The following LIPM variants were observed in gnomAD, a reference collection of about 807,000 sequenced individuals.
LIPM encodes the protein lipase family member M, also known as lipase member M.
A neutral mutation model predicts 42.4 loss-of-function variants in LIPM; 42 were observed. The observed-to-expected ratio is 0.99, with a 90% CI of 0.77 to 1.28. LIPM has a LOEUF of 1.28. Among genes scored for constraint, LIPM ranks in the 50% most tolerant of loss-of-function variants. LIPM has a pLI of 0.00. For synonymous variants in LIPM, 177 were observed against 173.3 expected, an observed-to-expected ratio of 1.02 and a Z score of -0.17; for missense variants, 524 against 520.1, an observed-to-expected ratio of 1.01 and a Z score of -0.07.
rs1340414760 is a variant in LIPM, at chr10:88,815,341, C to G, written c.712-16C>G. ...TTTTCTGTCTGTCATGTCTATGTCA[C>G]TTCATATTTTCACAGGGATTGTTTG... is the stretch of plus-strand genomic sequence containing the variant. On this transcript the variant is annotated splice_polypyrimidine_tract_variant and intron_variant, in intron 5 of 8. Coordinates refer to ENST00000404743, the MANE Select transcript of LIPM (RefSeq NM_001128215.1). 1 of 1,551,412 alleles carries G rather than the reference C, an allele frequency of 6.4e-7. No individual in the cohort carries two copies. Among genetic ancestry groups the G allele is most frequent in the Non-Finnish European group, 8.7e-7 (1 of 1,146,836 alleles).
intron 4 of LIPM, among the ~76,000 whole-genome samples, 183 bp downstream of exon 4, chr10:88,814,822 G>A (rs1004888366): frequency 6.6e-6 from 1 of 152,058 alleles, no homozygotes; most frequent in Admixed American, 6.6e-5. Context: ...ATATCTCTGT[G>A]CTATATGTGT....
chr10:88,815,119 G>A lies in LIPM; in HGVS notation c.606G>A (p.Leu202=). The change falls in exon 5 of 9, where the codon CTG becomes CTA. Residue 202 remains leucine, a synonymous_variant. Transcript: ENST00000404743. ...GFIAFSTMPE[L]AQKIKMYFAL... is the part of the protein sequence containing the mutation. ...TTGCATTTTCCACCATGCCAGAGCT[G>A]GCTCAGAAAATCAAAATGTATTTTG... 6.4e-7 allele frequency: 1 copy of A among 1,550,638 alleles called. No homozygotes were observed. The highest frequency in any genetic ancestry group is 8.7e-7 in the Non-Finnish European group (1 of 1,146,686).
Position 88,808,308 on chromosome 10 carries a change from T to A in LIPM, c.158T>A (p.Ile53Asn), listed in dbSNP as rs777473166. The stretch of plus-strand genomic sequence containing the variant: ...GTGCTTTTTCCATAGAGTGAAATCA[T>A]CCAACATCAAGGCTATCCCTGTGAG... ...PEAFMNISEI[I>N]QHQGYPCEEY... Residue 53 changes from isoleucine (I) to asparagine (N), a missense_variant, in exon 2 of 9, where the codon ATC becomes AAC. Coordinates refer to ENST00000404743, the MANE Select transcript of LIPM (RefSeq NM_001128215.1). 10 of 1,544,940 alleles carry A rather than the reference T, an allele frequency of 6.5e-6. No individual in the cohort carries two copies. The highest frequency in any genetic ancestry group is 8.8e-6 in the Non-Finnish European group (10 of 1,141,040).
At position 88,816,894 on chromosome 10, in the gene LIPM, AT is replaced by A; in HGVS notation, c.930+8del. Reference sequence around the variant, plus strand: ...TATTCTACACTGGAGCCAGGTAAGAATGTTGAATTTGCAGTCTTTGCTAAAT... The same window carrying A: ...TATTCTACACTGGAGCCAGGTAAGAAGTTGAATTTGCAGTCTTTGCTAAAT... On this transcript the variant is annotated splice_region_variant and intron_variant, in intron 7 of 8. Transcript: ENST00000404743. 1 of 1,549,628 alleles carries A rather than the reference AT, an allele frequency of 6.5e-7. No homozygotes were observed. The highest frequency in any genetic ancestry group is 8.7e-7 in the Non-Finnish European group (1 of 1,145,120).
chr10:88,810,366 C>T (rs927554128), intron 2 of LIPM, among the ~76,000 whole-genome samples: 7 of 152,166 alleles, frequency 4.6e-5, no homozygotes, highest in African/African-American at 1.7e-4. Context: ...TGTTTTCTTA[C>T]ATCCTGTTGA....
At chr10:88,815,569 T>C in intron 6 of LIPM, 66 bp downstream of exon 6, 1 of 1,383,266 alleles carries the variant, frequency 7.2e-7, no homozygotes, top group Non-Finnish European at 9.9e-7. Flanking sequence ...GGCTCACCCC[T>C]GGAGGGAGAG....
chr10:88,818,856 GA>G (rs1843750330), intron 8 of LIPM, among the ~76,000 whole-genome samples: 2 of 152,232 alleles, frequency 1.3e-5, no homozygotes, highest in Admixed American at 1.3e-4. Context: ...TGTCTTTAGA[GA>G]AAGTATTTCT....
intron 6 of LIPM, 59 bp from the exon 7 acceptor site, chr10:88,816,757 C>G (rs76301089): frequency 8.9e-7 from 1 of 1,129,120 alleles, no homozygotes; most frequent in Non-Finnish European, 1.3e-6. Context: ...TTGGTCTTGA[C>G]AGGGTATACA....
At position 88,809,914 on chromosome 10, in the gene LIPM, C is replaced by T. The variant is rs546810569; in HGVS notation, c.265+1499C>T. On this transcript the variant is annotated intron_variant, in intron 2 of 8. Coordinates refer to ENST00000404743, the MANE Select transcript of LIPM (RefSeq NM_001128215.1). ...CAGATGTCTATGCAGCTTGCCTTGG[C>T]CCTTCTTTCAGCCAACTTTATCAGA... Among the ~76,000 whole-genome samples, 5 of 152,284 alleles carry T rather than the reference C, an allele frequency of 3.3e-5. No homozygotes were observed. The South Asian group carries it at 8.3e-4, about 25-fold the overall frequency.
chr10:88,806,273 T>C (rs1362982986), intron 1 of LIPM, among the ~76,000 whole-genome samples: 1 of 152,236 alleles, frequency 6.6e-6, no homozygotes, highest in African/African-American at 2.4e-5. Context: ...TTGGCTCTTT[T>C]GAGCAACTTC....
At chr10:88,815,571 G>A in intron 6 of LIPM, 68 bp downstream of exon 6, 1 of 1,363,216 alleles carries the variant, frequency 7.3e-7, no homozygotes, top group South Asian at 1.3e-5. Flanking sequence ...CTCACCCCTG[G>A]AGGGAGAGCT....
At position 88,815,148 on chromosome 10, in the gene LIPM, T is replaced by C; in HGVS notation, c.635T>C (p.Leu212Ser). ...LAQKIKMYFALAPIATVKHAK... is the reference protein window; with the variant it reads ...LAQKIKMYFASAPIATVKHAK... ...CAGAAAATCAAAATGTATTTTGCTTTAGCACCCATAGCCACTGTTAAGCAT... is the reference window on the plus strand; with the variant it reads ...CAGAAAATCAAAATGTATTTTGCTTCAGCACCCATAGCCACTGTTAAGCAT... The change falls in exon 5 of 9, where the codon TTA becomes TCA. Residue 212 changes from leucine (L) to serine (S), a missense_variant. Physicochemically the swap from Leu to Ser is moderately radical, Grantham distance 145 (BLOSUM62 -2). Coordinates refer to ENST00000404743, the MANE Select transcript of LIPM (RefSeq NM_001128215.1). 6.4e-7 allele frequency: 1 copy of C among 1,551,716 alleles called. No individual in the cohort carries two copies. Among genetic ancestry groups the C allele is most frequent in the Non-Finnish European group, 8.7e-7 (1 of 1,146,970 alleles).
chr10:88,807,037 A>G lies in LIPM; in HGVS notation c.148-1261A>G, dbSNP rs303529. 9.3e-3 allele frequency among the ~76,000 whole-genome samples: 1,422 copies of G among 152,304 alleles called. 17 individuals are homozygous for G. The highest frequency in any genetic ancestry group is 0.016 in the Non-Finnish European group (1,088 of 68,024). On this transcript the variant is annotated intron_variant, in intron 1 of 8. Coordinates refer to ENST00000404743, the MANE Select transcript of LIPM (RefSeq NM_001128215.1). ...ATACAATGGTGTCTCACACACATAC[A>G]TGCACACATATACACTGCATTCCAT...
In LIPM at chr10:88,818,223, A is replaced by T. The variant is rs560069261; in HGVS notation, c.1002+327A>T. ...ATACTAGAAGGATTATTTTAGAATT[A>T]AAAAAAATGGGATGGTGGCAGTAAG... On this transcript the variant is annotated intron_variant, in intron 8 of 8. Transcript: ENST00000404743. Among the ~76,000 whole-genome samples, 22 of 152,080 alleles carry T rather than the reference A, an allele frequency of 1.4e-4. 2 individuals are homozygous for T. The highest frequency in any genetic ancestry group is 6.8e-3 in the Middle Eastern group (2 of 292).
At chr10:88,813,907 T>G (rs1046153514) in intron 3 of LIPM, among the ~76,000 whole-genome samples, 2 of 152,038 alleles carry the variant, frequency 1.3e-5, no homozygotes, top group Non-Finnish European at 2.9e-5. Flanking sequence ...GAACTCACTA[T>G]CACGAGAACA....
At chr10:88,817,350 T>C (rs1306960777) in intron 7 of LIPM, among the ~76,000 whole-genome samples, 1 of 152,184 alleles carries the variant, frequency 6.6e-6, no homozygotes, top group Non-Finnish European at 1.5e-5. Context: ...CTATGTGGTG[T>C]GTGTGAAAGA....
chr10:88,820,233 C>A lies in LIPM; in HGVS notation c.1004C>A (p.Pro335Gln), dbSNP rs1458574194. Reference sequence around the variant, plus strand: ...TTAAGAACTATTCCTTTTCTCTAGCCAACTCCTGTAAGGTACAGAGTCAGA... The same window carrying A: ...TTAAGAACTATTCCTTTTCTCTAGCAAACTCCTGTAAGGTACAGAGTCAGA... ...ETKNLEKCNQPTPVRYRVRDM... is the reference protein window; with the variant it reads ...ETKNLEKCNQQTPVRYRVRDM... Residue 335 changes from proline (P) to glutamine (Q), a missense_variant and splice_region_variant, in exon 9 of 9, where the codon CCA becomes CAA. Transcript: ENST00000404743. 1 of 1,548,112 alleles carries A rather than the reference C, an allele frequency of 6.5e-7. No individual in the cohort carries two copies. The highest frequency in any genetic ancestry group is 1.7e-4 in the Middle Eastern group (1 of 5,964).
intron 7 of LIPM, 66 bp from the exon 8 acceptor site, chr10:88,817,759 C>G: frequency 9.0e-7 from 1 of 1,111,918 alleles, no homozygotes; most frequent in Non-Finnish European, 1.3e-6. Flanking sequence ...TAGCACATTT[C>G]CACCACCCCA....
chr10:88,814,694 A>G, intron 4 of LIPM, 55 bp downstream of exon 4: 5 of 1,303,318 alleles, frequency 3.8e-6, no homozygotes, highest in Non-Finnish European at 4.3e-6. Context: ...AGCATACGAC[A>G]CTAGCTATCC....
Sources: gnomAD v4.1 joint callset for allele counts (sites outside exome capture counted in the v4.1 genomes callset) on GRCh38, gnomAD v4.1.1 for gene constraint, MANE v1.5 for transcripts, NCBI Gene and HGNC (gene_info 2026-07-23, HGNC 2026-07-21) for gene names.